The following VLDLR variants were observed in gnomAD, a reference collection of about 807,000 sequenced individuals.
The protein encoded by VLDLR is very low-density lipoprotein receptor.
VLDLR carries 81 observed loss-of-function variants against 112.7 expected under a neutral mutation model. The ratio of observed to expected loss-of-function variants is 0.72; its 90% CI spans 0.60 to 0.86. VLDLR has a LOEUF of 0.86. VLDLR is among the 40% of genes least tolerant of loss of function. VLDLR has a pLI of 0.00. For synonymous variants in VLDLR, 436 were observed against 384.8 expected (o/e 1.13, Z -1.56); for missense variants, 1,237 against 1,099.4 (o/e 1.13, Z -1.77).
chr9:2,622,953 T>C (rs963644411), intron 1 of VLDLR, among the ~76,000 whole-genome samples: 2 of 151,966 alleles, frequency 1.3e-5, no homozygotes, highest in Non-Finnish European at 2.9e-5. Flanking sequence ...CCTCTCCCTT[T>C]TCCCCGCCTC....
rs1488116801 is a variant in VLDLR, at chr9:2,644,867, G to A, written c.1186+14G>A. 1.2e-6 allele frequency: 2 copies of A among 1,614,018 alleles called. No individual in the cohort carries two copies. Among genetic ancestry groups the A allele is most frequent in the Admixed American group, 3.3e-5 (2 of 60,002 alleles). The stretch of plus-strand genomic sequence containing the variant: ...AAACCTGTGGAGGTGAGTCTAAGAA[G>A]AAAACCTGGACCCTGCAGGTGATGG... On this transcript the variant is annotated intron_variant, in intron 8 of 18. Coordinates refer to ENST00000382100, the MANE Select transcript of VLDLR (RefSeq NM_003383.5).
chr9:2,656,784 A>T lies in VLDLR; in HGVS notation c.*2916A>T, dbSNP rs1230113261. 1 of 151,996 alleles carries T rather than the reference A, an allele frequency of 6.6e-6. No individual in the cohort carries two copies. Among genetic ancestry groups the T allele is most frequent in the Non-Finnish European group, 1.5e-5 (1 of 68,002 alleles). The allele number at this position is 151,996 out of a possible 1,614,324, so 9.4% of individuals were successfully genotyped here. ...TTTGTGGCCTCTGGTAAAGAAATCC[A>T]GCCAAGTTCCTCTGTCCAAATTTTT... is the stretch of plus-strand genomic sequence containing the variant. On this transcript the variant is annotated 3_prime_UTR_variant, in exon 19 of 19. Transcript: ENST00000382100.
At chr9:2,643,796 G>A (rs751110972) in intron 6 of VLDLR, 41 bp from the exon 7 acceptor site, 3 of 1,614,190 alleles carry the variant, frequency 1.9e-6, no homozygotes, top group Non-Finnish European at 2.5e-6. Context: ...GCTCTGACCA[G>A]ACCCACTCAT....
chr9:2,643,237 C>T lies in VLDLR; in HGVS notation c.526C>T (p.Gln176Ter). ...CISRNFVCNG[Q>*]DDCSDGSDEL... The stretch of plus-strand genomic sequence containing the variant: ...CTCCAGGAACTTTGTATGCAATGGC[C>T]AGGATGACTGCAGCGATGGCAGTGA... Residue 176 changes from glutamine to a stop codon, truncating the protein, a stop_gained, in exon 5 of 19, where the codon CAG becomes TAG. Coordinates refer to ENST00000382100, the MANE Select transcript of VLDLR (RefSeq NM_003383.5). LOFTEE classifies it high-confidence loss of function. 1 of 1,614,120 alleles carries T rather than the reference C, an allele frequency of 6.2e-7. No individual in the cohort carries two copies. The highest frequency in any genetic ancestry group is 8.5e-7 in the Non-Finnish European group (1 of 1,180,030).
intron 4 of VLDLR, 38 bp from the exon 5 acceptor site, chr9:2,643,122 T>C (rs549745730): frequency 5.0e-6 from 8 of 1,602,536 alleles, no homozygotes; most frequent in Non-Finnish European, 6.8e-6. Context: ...CGGACCAATC[T>C]TGATGCATTT....
At chr9:2,651,733 C>A in intron 16 of VLDLR, 141 bp from the exon 17 acceptor site, 1 of 969,782 alleles carries the variant, frequency 1.0e-6, no homozygotes, top group Non-Finnish European at 1.6e-6. Context: ...TACTTCTAAG[C>A]CAGAGTTGTT....
intron 2 of VLDLR, among the ~76,000 whole-genome samples, chr9:2,637,007 C>T (rs752365735): frequency 1.3e-5 from 2 of 152,174 alleles, no homozygotes; most frequent in African/African-American, 4.8e-5. Flanking sequence ...TAAGTACTCT[C>T]TACTAGCCAC....
chr9:2,622,285 C>A lies in VLDLR; in HGVS notation c.82+14C>A. ...CCACCGGAACCGGTGAGTGAGGACG[C>A]GCCCCTCCGCCGGCGGGCGGGACCC... On this transcript the variant is annotated intron_variant, in intron 1 of 18. Transcript: ENST00000382100. 1 of 1,462,744 alleles carries A rather than the reference C, an allele frequency of 6.8e-7. No individual in the cohort carries two copies. The highest frequency in any genetic ancestry group is 2.4e-5 in the Admixed American group (1 of 42,186). 90.6% of individuals were successfully genotyped at this position (1,462,744 alleles called of 1,614,324 possible).
rs113347960 is a variant in VLDLR, at chr9:2,643,351, G to A, written c.640G>A (p.Asp214Asn). The A allele has an allele frequency of 4.8e-5, 78 of 1,614,018 alleles. No homozygotes were observed. Among genetic ancestry groups the A allele is most frequent in the African/African-American group, 4.0e-4 (30 of 74,920 alleles). The change falls in exon 5 of 19, where the codon GAT becomes AAT. Residue 214 changes from aspartate (D) to asparagine (N), a missense_variant. Physicochemically the swap from Asp to Asn is conservative, Grantham distance 23. Transcript: ENST00000382100. ...SCIPISWVCD[D>N]DADCSDQSDE... Reference sequence around the variant, plus strand: ...CATCCCCATCAGCTGGGTATGCGACGATGATGCAGACTGCTCCGACCAATC... The same window carrying A: ...CATCCCCATCAGCTGGGTATGCGACAATGATGCAGACTGCTCCGACCAATC...
intron 1 of VLDLR, among the ~76,000 whole-genome samples, chr9:2,623,881 C>T (rs771798093): frequency 1.3e-5 from 2 of 152,122 alleles, no homozygotes; most frequent in African/African-American, 4.8e-5. Context: ...AGTTTCCAAA[C>T]GCTAGCATTA....
Position 2,655,504 on chromosome 9 carries a change from T to C in VLDLR, c.*1636T>C, listed in dbSNP as rs1586664877. 1 of 152,052 alleles carries C rather than the reference T, an allele frequency of 6.6e-6. No individual in the cohort carries two copies. The highest frequency in any genetic ancestry group is 6.5e-5 in the Admixed American group (1 of 15,278). The allele number at this position is 152,052 out of a possible 1,614,324, so 9.4% of individuals were successfully genotyped here. A position where few individuals can be genotyped will look rare whatever the true frequency, so the allele number is the denominator to read the frequency against. On this transcript the variant is annotated 3_prime_UTR_variant, in exon 19 of 19. Coordinates refer to ENST00000382100, the MANE Select transcript of VLDLR (RefSeq NM_003383.5). ...CAGTACCAAGAGGATGAAGAGAAGA[T>C]GTTTTGCGTTGCTACGTGAATCAGT...
chr9:2,647,948 T>C (rs147000754), intron 12 of VLDLR, among the ~76,000 whole-genome samples: 15 of 152,348 alleles, frequency 9.8e-5, no homozygotes, highest in African/African-American at 3.4e-4. Flanking sequence ...AACAAAATGG[T>C]AGCCTCTTTT....
chr9:2,623,848 C>T (rs1306050253), intron 1 of VLDLR, among the ~76,000 whole-genome samples: 1 of 152,106 alleles, frequency 6.6e-6, no homozygotes, highest in Non-Finnish European at 1.5e-5. Flanking sequence ...AGCCTGAGAG[C>T]CTAGAAAAGC....
At chr9:2,650,278 GC>G in intron 14 of VLDLR, 91 bp from the exon 15 acceptor site, 1 of 1,536,508 alleles carries the variant, frequency 6.5e-7, no homozygotes, top group Non-Finnish European at 8.9e-7. Context: ...GCTCTTGGGG[GC>G]AAGGACTCAG....
In VLDLR at chr9:2,622,393, C is replaced by T. The variant is rs1816847188; in HGVS notation, c.82+122C>T. 4 of 844,026 alleles carry T rather than the reference C, an allele frequency of 4.7e-6. No homozygotes were observed. The South Asian group carries it at 7.8e-5, about 17-fold the overall frequency. 52.3% of individuals were successfully genotyped at this position (844,026 alleles called of 1,614,324 possible). A position where few individuals can be genotyped will look rare whatever the true frequency, so the allele number is the denominator to read the frequency against. On this transcript the variant is annotated intron_variant, in intron 1 of 18. Coordinates refer to ENST00000382100, the MANE Select transcript of VLDLR (RefSeq NM_003383.5). ...GGAGGCGCCTCTCGGTTCTCCTCGC[C>T]TTCCCTCCCTCCCCTCCGTGGTGGC...
intron 15 of VLDLR, among the ~76,000 whole-genome samples, chr9:2,651,204 C>T (rs992626637): frequency 1.3e-5 from 2 of 152,192 alleles, no homozygotes; most frequent in African/African-American, 4.8e-5. Context: ...AAATTCCAAA[C>T]ACCGACTGTC....
intron 1 of VLDLR, among the ~76,000 whole-genome samples, chr9:2,631,738 A>G (rs1454627): frequency 0.38 from 58,101 of 152,016 alleles, 11,446 homozygotes; most frequent in East Asian, 0.64. Context: ...AATAACGTCA[A>G]TGACTGTAGT....
rs1816810430 is a variant in VLDLR at position 2,622,074 on chromosome 9, TC to T, written c.-111del. 5 of 918,328 alleles carry T rather than the reference TC, an allele frequency of 5.4e-6. No homozygotes were observed. Among genetic ancestry groups the T allele is most frequent in the Admixed American group, 3.1e-5 (1 of 31,792 alleles). 56.9% of individuals were successfully genotyped at this position (918,328 alleles called of 1,614,324 possible). ...CCCCGCCAACTCCTTCCCCTCCTTC[TC>T]CCCCTTTCCCCTCCCCGCCCCCACC... On this transcript the variant is annotated 5_prime_UTR_variant, in exon 1 of 19. Coordinates refer to ENST00000382100, the MANE Select transcript of VLDLR (RefSeq NM_003383.5).
chr9:2,630,205 A>C (rs893934493), intron 1 of VLDLR, among the ~76,000 whole-genome samples: 3 of 152,178 alleles, frequency 2.0e-5, no homozygotes, highest in Non-Finnish European at 4.4e-5. Context: ...TTTGCCTCTT[A>C]CAAACCCTTC....
Sources: gnomAD v4.1 joint callset for allele counts (sites outside exome capture counted in the v4.1 genomes callset) on GRCh38, gnomAD v4.1.1 for gene constraint, MANE v1.5 for transcripts, NCBI Gene and HGNC (gene_info 2026-07-23, HGNC 2026-07-21) for gene names.